Variants in DDX60L observed in about 807,000 individuals in gnomAD.
DDX60L encodes the protein DExD/H-box 60 like.
DDX60L carries 191 observed loss-of-function variants against 211.6 expected under a neutral mutation model. The observed-to-expected ratio is 0.90, with a 90% confidence interval of 0.80 to 1.02. The LOEUF (loss-of-function observed/expected upper bound fraction) is 1.02, where lower values mean the gene tolerates loss of function less well. Ranked by LOEUF, DDX60L falls within the 50% of genes least tolerant of loss-of-function variation. The pLI is 0.00. For missense variants in DDX60L, 2,007 were observed against 1,984.1 expected (o/e 1.01, Z -0.22); for synonymous variants, 706 against 694.1 (o/e 1.02, Z -0.27).
At chr4:168,461,656 A>C in intron 5 of DDX60L, 43 bp downstream of exon 5, 1 of 1,354,052 alleles carries the variant, frequency 7.4e-7, no homozygotes, top group South Asian at 1.5e-5. Context: ...TTGAGAATTA[A>C]AACAAGAAAT....
intron 1 of DDX60L, among the ~76,000 whole-genome samples, chr4:168,474,760 T>C (rs1440276009): frequency 6.6e-6 from 1 of 152,174 alleles, no homozygotes; most frequent in Non-Finnish European, 1.5e-5. Flanking sequence ...TCGAAGCTTA[T>C]ATAATCCATT....
intron 36 of DDX60L, 194 bp from the exon 37 acceptor site, chr4:168,361,405 G>C: frequency 2.1e-6 from 1 of 467,142 alleles, no homozygotes; most frequent in Non-Finnish European, 3.8e-6. Context: ...TTATTAAAGA[G>C]ATAATTTGAC....
At position 168,400,814 on chromosome 4, in the gene DDX60L, A is replaced by G; in HGVS notation, c.3491+12T>C. ...CAGGGGCCAATTTGTTTAAGTAAAC[A>G]TTAATACTTACATCCTTTTCTGTGT... On this transcript the variant is annotated intron_variant, in intron 26 of 37. Transcript: ENST00000682922. The G allele has an allele frequency of 6.2e-7, 1 of 1,602,898 alleles. No individual in the cohort carries two copies. Among genetic ancestry groups the G allele is most frequent in the Non-Finnish European group, 8.5e-7 (1 of 1,174,692 alleles).
chr4:168,449,933 C>T (rs1025985367), intron 8 of DDX60L, among the ~76,000 whole-genome samples: 1 of 152,044 alleles, frequency 6.6e-6, no homozygotes, highest in African/African-American at 2.4e-5. Context: ...AACCTCCAAG[C>T]TGTTCTTGTT....
chr4:168,378,673 G>A (rs566519428), intron 32 of DDX60L, among the ~76,000 whole-genome samples, 198 bp from the exon 33 acceptor site: 118 of 152,092 alleles, frequency 7.8e-4, no homozygotes, highest in African/African-American at 2.7e-3. Flanking sequence ...TTTATATTCT[G>A]TGCCTTGTTT....
intron 28 of DDX60L, 28 bp downstream of exon 28, chr4:168,394,437 T>C: frequency 6.4e-7 from 1 of 1,563,256 alleles, no homozygotes. Context: ...CACAACTTTA[T>C]TTTTTAAATG....
At chr4:168,414,945 C>G (rs949340612) in intron 22 of DDX60L, among the ~76,000 whole-genome samples, 3 of 150,118 alleles carry the variant, frequency 2.0e-5, no homozygotes, top group Non-Finnish European at 3.0e-5. Flanking sequence ...TATGTGATAG[C>G]ACAACAGAGG....
intron 28 of DDX60L, among the ~76,000 whole-genome samples, chr4:168,393,323 C>T (rs1335561865): frequency 6.6e-6 from 1 of 152,028 alleles, no homozygotes; most frequent in Admixed American, 6.6e-5. Context: ...TGGTGAAACC[C>T]TGTCTCTACT....
rs1041954524 is a variant in DDX60L, at chr4:168,403,992, T to C, written c.3328A>G (p.Ile1110Val). ...KLRQMDKLPA[I>V]FFLFKNDDVG... is the part of the protein sequence containing the mutation. ...GTTTCAGTTACTTACAAAAAAAATA[T>C]TGCAGGCAACTTATCCATTTGTCTT... Residue 1110 changes from isoleucine to valine, a missense_variant, in exon 25 of 38, where the codon ATA becomes GTA. Coordinates refer to ENST00000682922, the MANE Select transcript of DDX60L (RefSeq NM_001012967.3). 7 of 1,461,218 alleles carry C rather than the reference T, an allele frequency of 4.8e-6. No individual in the cohort carries two copies. The highest frequency in any genetic ancestry group is 4.7e-5 in the Admixed American group (2 of 42,518). The allele number at this position is 1,461,218 out of a possible 1,614,324, so 90.5% of individuals were successfully genotyped here. A position where few individuals can be genotyped will look rare whatever the true frequency, so the allele number is the denominator to read the frequency against.
At chr4:168,431,603 A>G (rs1456344443) in intron 12 of DDX60L, among the ~76,000 whole-genome samples, 7 of 151,356 alleles carry the variant, frequency 4.6e-5, no homozygotes, top group East Asian at 2.0e-4. Context: ...CCTAATGCTA[A>G]ATGACGAGTT....
At chr4:168,448,867 G>A (rs963271844) in intron 8 of DDX60L, 88 bp from the exon 9 acceptor site, 23 of 1,169,902 alleles carry the variant, frequency 2.0e-5, no homozygotes, top group South Asian at 7.9e-5. Flanking sequence ...AGGTCACAAG[G>A]GACATTTCTG....
intron 36 of DDX60L, among the ~76,000 whole-genome samples, chr4:168,367,243 A>G (rs942811781): frequency 3.3e-5 from 5 of 152,148 alleles, no homozygotes; most frequent in Non-Finnish European, 7.3e-5. Flanking sequence ...TCCCACAATT[A>G]CCACATGTCG....
At chr4:168,379,896 A>AGTACACACATACATAGTACACAC in intron 30 of DDX60L, 66 bp from the exon 31 acceptor site, 5 of 1,159,364 alleles carry the variant, frequency 4.3e-6, no homozygotes, top group Non-Finnish European at 6.3e-6. Flanking sequence ...GATATGTAAT[A>AGTACACACATACATAGTACACAC]AATAGTACAC....
At chr4:168,382,326 T>C (rs887663051) in intron 30 of DDX60L, among the ~76,000 whole-genome samples, 6 of 152,146 alleles carry the variant, frequency 3.9e-5, no homozygotes, top group Non-Finnish European at 4.4e-5. Context: ...GGAAGAAATA[T>C]ACCAAAATAA....
At chr4:168,359,018 T>G (rs1738652536) in intron 37 of DDX60L, among the ~76,000 whole-genome samples, 1 of 152,152 alleles carries the variant, frequency 6.6e-6, no homozygotes, top group Non-Finnish European at 1.5e-5. Context: ...AAAAATTCTG[T>G]CCCTATCCAT....
chr4:168,408,568 TCTTC>T (rs1748147495), intron 22 of DDX60L, among the ~76,000 whole-genome samples: 2 of 152,266 alleles, frequency 1.3e-5, no homozygotes, highest in African/African-American at 4.8e-5. Flanking sequence ...GGTTTGTACT[TCTTC>T]ATTCATAAAC....
intron 33 of DDX60L, among the ~76,000 whole-genome samples, chr4:168,376,015 C>A (rs754340578): frequency 1.7e-4 from 26 of 152,186 alleles, no homozygotes; most frequent in Non-Finnish European, 3.5e-4. Flanking sequence ...CTAACCCTCA[C>A]AGAGGTAAAC....
chr4:168,393,102 A>G (rs1289998461), intron 28 of DDX60L, among the ~76,000 whole-genome samples: 2 of 152,244 alleles, frequency 1.3e-5, no homozygotes, highest in African/African-American at 2.4e-5. Context: ...TAAATGATAC[A>G]GATATGAAAA....
Position 168,423,759 on chromosome 4 carries a change from T to C in DDX60L, c.1946A>G (p.Asp649Gly), listed in dbSNP as rs751749275. ...CATCATTTGAACAGCTATACTTAAATCTTTCGAAATTTTGCCTTGTTAAAG... is the reference window on the plus strand; with the variant it reads ...CATCATTTGAACAGCTATACTTAAACCTTTCGAAATTTTGCCTTGTTAAAG... Reference protein sequence around the residue: ...HCRGEGKISKDLSIAVQMMKR... With the variant: ...HCRGEGKISKGLSIAVQMMKR... The change falls in exon 15 of 38, where the codon GAT becomes GGT. Residue 649 changes from aspartate (D) to glycine (G), a missense_variant. By Grantham distance (94) the Asp-to-Gly change is moderately conservative (BLOSUM62 -1). Coordinates refer to ENST00000682922, the MANE Select transcript of DDX60L (RefSeq NM_001012967.3). 1 of 1,572,320 alleles carries C rather than the reference T, an allele frequency of 6.4e-7. No homozygotes were observed. Among genetic ancestry groups the C allele is most frequent in the Non-Finnish European group, 8.6e-7 (1 of 1,167,710 alleles).
Sources: gnomAD v4.1 joint callset for allele counts (sites outside exome capture counted in the v4.1 genomes callset) on GRCh38, gnomAD v4.1.1 for gene constraint, MANE v1.5 for transcripts, NCBI Gene and HGNC (gene_info 2026-07-23, HGNC 2026-07-21) for gene names.